The following EDIL3 variants were observed in gnomAD, a reference collection of about 807,000 sequenced individuals.
EDIL3 encodes EGF-like repeat and discoidin I-like domain-containing protein 3.
Under a neutral mutation model 67.4 loss-of-function variants are expected in EDIL3, and 37 were observed. The observed-to-expected ratio is 0.55, with a 90% confidence interval of 0.42 to 0.72. The LOEUF (loss-of-function observed/expected upper bound fraction) is 0.72, where lower values mean the gene tolerates loss of function less well. Among genes scored for constraint, EDIL3 ranks in the 30% least tolerant of loss-of-function variants. The pLI, the probability that EDIL3 is intolerant of heterozygous loss-of-function variation, is 0.00. For synonymous variants in EDIL3, 195 were observed against 196.3 expected (o/e 0.99, Z 0.05); for missense variants, 527 against 586.3 (o/e 0.90, Z 1.04).
chr5:84,336,874 A>C (rs1336097811), intron 1 of EDIL3, among the ~76,000 whole-genome samples: 2 of 152,096 alleles, frequency 1.3e-5, no homozygotes, highest in Non-Finnish European at 2.9e-5. Context: ...CTCTGAGACA[A>C]ATTTTTAAAA....
intron 2 of EDIL3, among the ~76,000 whole-genome samples, chr5:84,253,394 A>C (rs181206317): frequency 3.7e-4 from 56 of 152,274 alleles, no homozygotes; most frequent in African/African-American, 1.3e-3. Flanking sequence ...AGTTAGAGAG[A>C]AAATCTCTGC....
At chr5:84,010,815 A>G (rs1745505194) in intron 9 of EDIL3, among the ~76,000 whole-genome samples, 1 of 152,202 alleles carries the variant, frequency 6.6e-6, no homozygotes, top group African/African-American at 2.4e-5. Context: ...GTTCAATCAC[A>G]TTCTCCCCTA....
At chr5:84,113,848 C>A (rs529568164) in intron 5 of EDIL3, among the ~76,000 whole-genome samples, 2 of 152,292 alleles carry the variant, frequency 1.3e-5, no homozygotes, top group African/African-American at 4.8e-5. Context: ...ATCTCCAGTC[C>A]TCCCTTTCTC....
At chr5:84,160,399 A>T (rs1268631361) in intron 4 of EDIL3, among the ~76,000 whole-genome samples, 1 of 152,150 alleles carries the variant, frequency 6.6e-6, no homozygotes, top group Non-Finnish European at 1.5e-5. Context: ...TTTTAAGCAT[A>T]AAACCATGTT....
intron 9 of EDIL3, among the ~76,000 whole-genome samples, chr5:83,964,996 C>T (rs999689157): frequency 3.3e-5 from 5 of 151,966 alleles, no homozygotes; most frequent in African/African-American, 1.2e-4. Context: ...TTCCACTTTA[C>T]AGATGAATAA....
intron 9 of EDIL3, among the ~76,000 whole-genome samples, chr5:84,059,286 C>T (rs1349551260): frequency 6.6e-6 from 1 of 151,946 alleles, no homozygotes; most frequent in Non-Finnish European, 1.5e-5. Context: ...ACCTGTAGTC[C>T]TAGCTATTTG....
At chr5:84,186,393 G>C (rs1007907064) in intron 3 of EDIL3, among the ~76,000 whole-genome samples, 6 of 152,012 alleles carry the variant, frequency 3.9e-5, no homozygotes, top group African/African-American at 1.2e-4. Flanking sequence ...GCTGGTCTCT[G>C]CTAGTAATTT....
intron 3 of EDIL3, among the ~76,000 whole-genome samples, chr5:84,208,367 A>G (rs1442092869): frequency 6.6e-6 from 1 of 152,202 alleles, no homozygotes; most frequent in Non-Finnish European, 1.5e-5. Flanking sequence ...CACACCAGTT[A>G]CAATGGCGAT....
intron 1 of EDIL3, among the ~76,000 whole-genome samples, chr5:84,358,682 C>A (rs1747537495): frequency 1.4e-5 from 2 of 141,764 alleles, no homozygotes; most frequent in African/African-American, 2.6e-5. Flanking sequence ...CGGCTCACTG[C>A]AAGCTCTGCC....
At chr5:84,051,584 C>A (rs1580300380) in intron 9 of EDIL3, among the ~76,000 whole-genome samples, 1 of 152,122 alleles carries the variant, frequency 6.6e-6, no homozygotes, top group Non-Finnish European at 1.5e-5. Context: ...AAATGGCTAA[C>A]TAGAATAACC....
intron 1 of EDIL3, among the ~76,000 whole-genome samples, chr5:84,286,714 T>C (rs1043882955): frequency 1.1e-4 from 16 of 152,198 alleles, no homozygotes; most frequent in African/African-American, 3.6e-4. Flanking sequence ...GGTTTATTTG[T>C]TCTTTCTGAA....
intron 9 of EDIL3, among the ~76,000 whole-genome samples, chr5:83,968,603 T>G (rs1361173841): frequency 6.6e-6 from 1 of 151,968 alleles, no homozygotes; most frequent in African/African-American, 2.4e-5. Context: ...GCTGTGAGTT[T>G]TGTAGGACAC....
At chr5:84,370,938 T>C (rs1747830013) in intron 1 of EDIL3, among the ~76,000 whole-genome samples, 1 of 151,974 alleles carries the variant, frequency 6.6e-6, no homozygotes, top group Non-Finnish European at 1.5e-5. Context: ...CATGCATGCA[T>C]AAAGTCAGAA....
intron 9 of EDIL3, among the ~76,000 whole-genome samples, chr5:84,055,586 T>G (rs551825315): frequency 3.3e-5 from 5 of 151,984 alleles, no homozygotes; most frequent in Admixed American, 3.3e-4. Context: ...ATCCAGAATC[T>G]ACAAAGAACT....
intron 3 of EDIL3, among the ~76,000 whole-genome samples, chr5:84,219,158 A>G (rs1369200733): frequency 1.3e-5 from 2 of 151,490 alleles, no homozygotes; most frequent in Admixed American, 6.6e-5. Context: ...CTCAGAGCAG[A>G]GAGAGAGAGA....
At chr5:84,336,030 A>G (rs1285792789) in intron 1 of EDIL3, among the ~76,000 whole-genome samples, 1 of 152,208 alleles carries the variant, frequency 6.6e-6, no homozygotes, top group Non-Finnish European at 1.5e-5. Flanking sequence ...CTTTGCCATC[A>G]TGACTAAGTC....
At chr5:84,284,702 C>A (rs1011818375) in intron 1 of EDIL3, among the ~76,000 whole-genome samples, 1 of 151,986 alleles carries the variant, frequency 6.6e-6, no homozygotes. Context: ...TCCTTTTGTC[C>A]TAACCTCATA....
chr5:84,179,568 C>T (rs562479900), intron 4 of EDIL3, among the ~76,000 whole-genome samples: 5 of 152,320 alleles, frequency 3.3e-5, no homozygotes, highest in African/African-American at 9.6e-5. Flanking sequence ...TTTGCCTTAT[C>T]GTTCTTAATA....
At chr5:83,943,742 T>G (rs1031030468) in intron 10 of EDIL3, among the ~76,000 whole-genome samples, 174 bp from the exon 11 acceptor site, 1 of 152,114 alleles carries the variant, frequency 6.6e-6, no homozygotes, top group Non-Finnish European at 1.5e-5. Context: ...AATTAAATGG[T>G]CAATTAATGT....
Sources: allele counts gnomAD v4.1 joint callset (sites outside exome capture counted in the v4.1 genomes callset), GRCh38; gene constraint gnomAD v4.1.1; transcripts MANE v1.5; gene names NCBI Gene and HGNC (gene_info 2026-07-23, HGNC 2026-07-21).